HERC4: variants seen among roughly 807,000 people sequenced by gnomAD.
The protein encoded by HERC4 is HECT and RLD domain containing E3 ubiquitin protein ligase 4, also known as probable E3 ubiquitin-protein ligase HERC4.
A neutral mutation model predicts 124.3 loss-of-function variants in HERC4; 28 were observed. The ratio of observed to expected loss-of-function variants is 0.23; its 90% CI spans 0.17 to 0.31. The LOEUF is 0.31. Among genes scored for constraint, HERC4 ranks in the 10% least tolerant of loss-of-function variants. HERC4 has a pLI of 1.00. For missense variants in HERC4, 713 were observed against 1,229.3 expected (o/e 0.58, Z 6.28); for synonymous variants, 407 against 421.5 (o/e 0.97, Z 0.42).
rs570422793 is a variant in HERC4 at position 67,934,980 on chromosome 10, A to G, written c.2654+1173T>C. ...TTTCAAATGAGTTTTTTTTTTTTCC[A>G]TTTTTAATTGTATGCATCTGGATGT... On this transcript the variant is annotated intron_variant, in intron 22 of 24. Transcript: ENST00000373700. 1.5e-3 allele frequency among the ~76,000 whole-genome samples: 175 copies of G among 114,684 alleles called. 1 individual carries two copies. The highest frequency in any genetic ancestry group is 5.9e-3 in the African/African-American group (174 of 29,308). The allele number at this position is 114,684 out of a possible 152,430, so 75.2% of individuals were successfully genotyped here.
At chr10:67,967,796 G>T (rs2034977013) in intron 15 of HERC4, among the ~76,000 whole-genome samples, 1 of 151,838 alleles carries the variant, frequency 6.6e-6, no homozygotes, top group Non-Finnish European at 1.5e-5. Flanking sequence ...AAATACAAGG[G>T]ATAGAGGAAC....
intron 15 of HERC4, among the ~76,000 whole-genome samples, chr10:67,972,390 G>A (rs531264766): frequency 4.6e-5 from 7 of 151,294 alleles, no homozygotes; most frequent in African/African-American, 7.3e-5. Flanking sequence ...GCATGGTGGT[G>A]CATGCCTGTA....
intron 15 of HERC4, among the ~76,000 whole-genome samples, chr10:67,973,424 G>A (rs577478909): frequency 1.1e-4 from 16 of 152,274 alleles, no homozygotes; most frequent in African/African-American, 1.9e-4. Flanking sequence ...GCCCAATCCC[G>A]TAGGAATTAG....
In HERC4 at chr10:68,014,088, T is replaced by G; in HGVS notation, c.1007A>C (p.Lys336Thr). 1.2e-6 allele frequency: 2 copies of G among 1,613,888 alleles called. No individual in the cohort carries two copies. Among genetic ancestry groups the G allele is most frequent in the Non-Finnish European group, 1.7e-6 (2 of 1,179,840 alleles). ...QLGTGSTSNRKSPFTVKGNWY... is the reference protein window; with the variant it reads ...QLGTGSTSNRTSPFTVKGNWY... Reference sequence around the variant, plus strand: ...ATTTCCTTTTACAGTAAAGGGGCTTTTCCTGTTGCTTGTTGAACCGGTTCC... The same window carrying G: ...ATTTCCTTTTACAGTAAAGGGGCTTGTCCTGTTGCTTGTTGAACCGGTTCC... Residue 336 changes from lysine (K) to threonine (T), a missense_variant, in exon 9 of 25, where the codon AAA (lysine) becomes ACA (threonine). Lys to Thr is a moderately conservative substitution (Grantham distance 78, BLOSUM62 -1). Transcript: ENST00000373700.
At chr10:67,969,776 G>T (rs2035119728) in intron 15 of HERC4, among the ~76,000 whole-genome samples, 1 of 152,102 alleles carries the variant, frequency 6.6e-6, no homozygotes, top group Non-Finnish European at 1.5e-5. Flanking sequence ...AAAAAAATCG[G>T]AAGCAGAGTT....
At chr10:67,959,047 T>C in intron 16 of HERC4, 1 of 1,357,102 alleles carries the variant, frequency 7.4e-7, no homozygotes, top group African/African-American at 1.5e-5. Flanking sequence ...CTTTGGCTCT[T>C]CTATTACTCA....
At chr10:68,065,434 A>G (rs541105913) in intron 3 of HERC4, among the ~76,000 whole-genome samples, 1 of 152,346 alleles carries the variant, frequency 6.6e-6, no homozygotes, top group East Asian at 1.9e-4. Flanking sequence ...AGGATTCCAG[A>G]ATGTCTTATG....
intron 23 of HERC4, among the ~76,000 whole-genome samples, chr10:67,931,488 G>A (rs759973508): frequency 7.3e-5 from 11 of 151,694 alleles, no homozygotes; most frequent in Non-Finnish European, 7.4e-5. Flanking sequence ...GCAGTGGCGC[G>A]ATCTTGGCTC....
At position 67,990,505 on chromosome 10, in the gene HERC4, T is replaced by C. The variant is rs1053041823; in HGVS notation, c.1444-105A>G. 5 of 634,110 alleles carry C rather than the reference T, an allele frequency of 7.9e-6. No individual in the cohort carries two copies. The East Asian group carries it at 9.6e-5, about 12-fold the overall frequency. The allele number at this position is 634,110 out of a possible 1,614,324, so 39.3% of individuals were successfully genotyped here. On this transcript the variant is annotated intron_variant, in intron 13 of 24. Transcript: ENST00000373700. ...GAAGAAAAGAAAGAAAAGGAAAATT[T>C]TGCACTACAGCAAATATGAAATGGT... is the stretch of plus-strand genomic sequence containing the variant.
intron 15 of HERC4, among the ~76,000 whole-genome samples, chr10:67,967,282 A>G (rs1251350430): frequency 6.6e-6 from 1 of 152,216 alleles, no homozygotes; most frequent in Non-Finnish European, 1.5e-5. Flanking sequence ...GTGCTATGGG[A>G]GACACAAAGA....
At chr10:67,995,678 T>C (rs2132843975) in intron 9 of HERC4, among the ~76,000 whole-genome samples, 1 of 152,292 alleles carries the variant, frequency 6.6e-6, no homozygotes, top group African/African-American at 2.4e-5. Flanking sequence ...TAATTTTGAC[T>C]CACAGAACAT....
chr10:67,925,418 T>C (rs1349567433), intron 23 of HERC4, among the ~76,000 whole-genome samples: 1 of 152,128 alleles, frequency 6.6e-6, no homozygotes, highest in Non-Finnish European at 1.5e-5. Context: ...GATCATACTA[T>C]CATCTTCAAA....
intron 15 of HERC4, among the ~76,000 whole-genome samples, chr10:67,984,725 G>A (rs900472341): frequency 1.3e-5 from 2 of 152,106 alleles, no homozygotes; most frequent in African/African-American, 2.4e-5. Context: ...TGGTATTACA[G>A]ACACGTGCCA....
chr10:67,941,504 T>C (rs2032887183), intron 19 of HERC4, among the ~76,000 whole-genome samples: 1 of 152,016 alleles, frequency 6.6e-6, no homozygotes, highest in African/African-American at 2.4e-5. Context: ...AGAAAATGAA[T>C]AAACACCTGT....
intron 9 of HERC4, among the ~76,000 whole-genome samples, chr10:67,998,685 T>C (rs1368125595): frequency 6.6e-6 from 1 of 152,196 alleles, no homozygotes; most frequent in African/African-American, 2.4e-5. Context: ...TTGTTTCTAA[T>C]CCACATATTC....
intron 3 of HERC4, among the ~76,000 whole-genome samples, chr10:68,070,964 G>A (rs2041546104): frequency 6.6e-6 from 1 of 152,090 alleles, no homozygotes; most frequent in African/African-American, 2.4e-5. Context: ...AAAGTGCATG[G>A]CACATCATGT....
intron 24 of HERC4, 60 bp downstream of exon 24, chr10:67,925,025 G>A: frequency 2.1e-6 from 2 of 940,994 alleles, no homozygotes; most frequent in Non-Finnish European, 1.7e-6. Context: ...CAGGGCTTTG[G>A]AATAATACTA....
chr10:67,962,365 T>C (rs922817875), intron 16 of HERC4, among the ~76,000 whole-genome samples: 2 of 152,176 alleles, frequency 1.3e-5, no homozygotes, highest in African/African-American at 4.8e-5. Context: ...TCTTTTTTAC[T>C]ACTACATGTA....
intron 19 of HERC4, among the ~76,000 whole-genome samples, chr10:67,946,338 A>G (rs1454627290): frequency 7.4e-6 from 1 of 135,966 alleles, no homozygotes; most frequent in African/African-American, 2.7e-5. Context: ...AGGTAAATGG[A>G]TAAAACACAA....
Sources: allele counts gnomAD v4.1 joint callset (sites outside exome capture counted in the v4.1 genomes callset), GRCh38; gene constraint gnomAD v4.1.1; transcripts MANE v1.5; gene names NCBI Gene and HGNC (gene_info 2026-07-23, HGNC 2026-07-21).